RBFOX3: variants seen among roughly 807,000 people sequenced by gnomAD.
RBFOX3 encodes the protein RNA binding protein fox-1 homolog 3.
RBFOX3 carries 17 observed loss-of-function variants against 48.7 expected under a neutral mutation model. The ratio of observed to expected loss-of-function variants is 0.35; its 90% CI spans 0.24 to 0.52. The LOEUF is 0.52. RBFOX3 is among the 20% of genes least tolerant of loss of function. RBFOX3 has a pLI of 0.94. For missense variants in RBFOX3, 382 were observed against 497.5 expected, an observed-to-expected ratio of 0.77 and a Z score of 2.21; for synonymous variants, 212 against 209.5, an observed-to-expected ratio of 1.01 and a Z score of -0.10.
At chr17:79,356,362 T>TGTTTTGTTTTG (rs1169504564) in intron 2 of RBFOX3, among the ~76,000 whole-genome samples, 1 of 76,640 alleles carries the variant, frequency 1.3e-5, no homozygotes, top group African/African-American at 5.0e-5. Flanking sequence ...TTTTTTTTTT[T>TGTTTTGTTTTG]TTTTTTTTTT....
chr17:79,149,353 C>T (rs991952763), intron 4 of RBFOX3, among the ~76,000 whole-genome samples: 20 of 151,884 alleles, frequency 1.3e-4, no homozygotes, highest in African/African-American at 3.9e-4. Flanking sequence ...AGTGGGGGCA[C>T]GGGGGAGGAC....
chr17:79,107,907 G>A (rs890277882), intron 5 of RBFOX3, among the ~76,000 whole-genome samples: 4 of 152,234 alleles, frequency 2.6e-5, no homozygotes, highest in Admixed American at 2.6e-4. Context: ...TCCAGCTCCC[G>A]CGGGGTGCCC....
rs1286036660 is a variant in RBFOX3 at position 79,499,667 on chromosome 17, C to T, written c.-319-17069G>A. Among the ~76,000 whole-genome samples the T allele has an allele frequency of 2.6e-5, 4 of 152,246 alleles. No homozygotes were observed. In the South Asian group the frequency reaches 8.3e-4, roughly 31 times the overall value. ...TCTTCGGGCAAGTTACTTAACCTTT[C>T]TCAACTTCAGTTTAATCACCTATAA... is the stretch of plus-strand genomic sequence containing the variant. On this transcript the variant is annotated intron_variant, in intron 1 of 14. Coordinates refer to ENST00000693108, the MANE Select transcript of RBFOX3 (RefSeq NM_001350451.2).
chr17:79,455,209 C>T (rs1555744056), intron 2 of RBFOX3, among the ~76,000 whole-genome samples: 1 of 152,206 alleles, frequency 6.6e-6, no homozygotes, highest in Admixed American at 6.5e-5. Context: ...GCTGGATGTG[C>T]TACTCCCAGG....
At chr17:79,170,049 G>T (rs1451293549) in intron 4 of RBFOX3, among the ~76,000 whole-genome samples, 1 of 140,590 alleles carries the variant, frequency 7.1e-6, no homozygotes, top group East Asian at 2.0e-4. Context: ...AAGGAGAAGA[G>T]GGAAGGGAAG....
At chr17:79,597,304 C>T (rs927092735) in intron 1 of RBFOX3, among the ~76,000 whole-genome samples, 12 of 152,192 alleles carry the variant, frequency 7.9e-5, no homozygotes, top group African/African-American at 2.7e-4. Flanking sequence ...CCAGGGACTC[C>T]GGTTTGCATT....
rs879996068 is a variant in RBFOX3, at chr17:79,463,414, T to C, written c.-175+19040A>G. The stretch of plus-strand genomic sequence containing the variant: ...CCACCATCGCCACCGCCACTTCCAC[T>C]GCCATTGCCACTGCCACCGCCATCG... On this transcript the variant is annotated intron_variant, in intron 2 of 14. Transcript: ENST00000693108. Among the ~76,000 whole-genome samples, 4 of 102,156 alleles carry C rather than the reference T, an allele frequency of 3.9e-5. 1 individual carries two copies. The highest frequency in any genetic ancestry group is 2.0e-4 in the Admixed American group (2 of 9,760). The allele number at this position is 102,156 out of a possible 152,430, so 67.0% of individuals were successfully genotyped here.
chr17:79,414,212 A>G (rs1266506933), intron 2 of RBFOX3, among the ~76,000 whole-genome samples: 3 of 152,054 alleles, frequency 2.0e-5, no homozygotes, highest in African/African-American at 7.2e-5. Context: ...TTTCTAATAC[A>G]ATGCAAATCA....
At chr17:79,440,295 T>C (rs1233626042) in intron 2 of RBFOX3, among the ~76,000 whole-genome samples, 2 of 152,238 alleles carry the variant, frequency 1.3e-5, no homozygotes, top group African/African-American at 2.4e-5. Context: ...GCATTTCCCA[T>C]GTCCCAGGGC....
chr17:79,142,108 A>G (rs974633734), intron 4 of RBFOX3, among the ~76,000 whole-genome samples: 5 of 152,226 alleles, frequency 3.3e-5, no homozygotes, highest in Non-Finnish European at 7.3e-5. Flanking sequence ...GGGAAATTAA[A>G]TATCGCAGCT....
chr17:79,113,228 G>A (rs1306994276), intron 5 of RBFOX3, among the ~76,000 whole-genome samples: 3 of 152,082 alleles, frequency 2.0e-5, no homozygotes, highest in Admixed American at 1.3e-4. Flanking sequence ...GCAGCCTCTG[G>A]GAGGAAGGAG....
At position 79,097,371 on chromosome 17, in the gene RBFOX3, G is replaced by T. The variant is rs2146312862; in HGVS notation, c.676C>A (p.His226Asn). The stretch of plus-strand genomic sequence containing the variant: ...ACGGCCCGGCCCCGGCCCCGAAGAT[G>T]TGCGCCCCGGTAGGCAACGGCTGTG... ...TGTAVAYRGAHLRGRGRAVYN... is the reference protein window; with the variant it reads ...TGTAVAYRGANLRGRGRAVYN... Residue 226 changes from histidine to asparagine, a missense_variant, in exon 11 of 15, where the codon CAT (histidine) becomes AAT (asparagine). His to Asn is a moderately conservative substitution (Grantham distance 68). This residue lies in a region of RBFOX3 where 215 missense variants were observed against 254.8 expected (regional missense o/e 0.84). Transcript: ENST00000693108. 3.2e-6 allele frequency: 5 copies of T among 1,548,490 alleles called. No homozygotes were observed. The highest frequency in any genetic ancestry group is 4.4e-6 in the Non-Finnish European group (5 of 1,146,196).
At chr17:79,326,498 C>T (rs956202340) in intron 2 of RBFOX3, among the ~76,000 whole-genome samples, 10 of 152,078 alleles carry the variant, frequency 6.6e-5, no homozygotes, top group Non-Finnish European at 4.4e-5. Context: ...CACTGGATGC[C>T]GTCTATATAT....
chr17:79,313,167 A>G (rs2077078675), intron 2 of RBFOX3, among the ~76,000 whole-genome samples: 1 of 152,168 alleles, frequency 6.6e-6, no homozygotes, highest in African/African-American at 2.4e-5. Flanking sequence ...GAACTCTTTA[A>G]TAGCTGCCCC....
chr17:79,331,598 G>T (rs1488995614), intron 2 of RBFOX3, among the ~76,000 whole-genome samples: 2 of 152,218 alleles, frequency 1.3e-5, no homozygotes, highest in Non-Finnish European at 2.9e-5. Context: ...GCAGATTCTA[G>T]ATCTCCTAAG....
Position 79,112,907 on chromosome 17 carries a change from G to A in RBFOX3, c.222+2587C>T, listed in dbSNP as rs867526309. ...GCCAACCTGGGCAGCAGGCTCTCGGGGGGGGGGTGGGCTGGGTAGGACTTC... is the reference window on the plus strand; with the variant it reads ...GCCAACCTGGGCAGCAGGCTCTCGGAGGGGGGGTGGGCTGGGTAGGACTTC... On this transcript the variant is annotated intron_variant, in intron 5 of 14. Coordinates refer to ENST00000693108, the MANE Select transcript of RBFOX3 (RefSeq NM_001350451.2). 4.2e-5 allele frequency among the ~76,000 whole-genome samples: 3 copies of A among 71,392 alleles called. 1 individual carries two copies. Among genetic ancestry groups the A allele is most frequent in the Admixed American group, 1.4e-4 (1 of 7,310 alleles). 46.8% of individuals were successfully genotyped at this position (71,392 alleles called of 152,430 possible). A position where few individuals can be genotyped will look rare whatever the true frequency, so the allele number is the denominator to read the frequency against.
At chr17:79,279,166 G>C (rs557170598) in intron 3 of RBFOX3, among the ~76,000 whole-genome samples, 13 of 152,298 alleles carry the variant, frequency 8.5e-5, no homozygotes, top group Admixed American at 2.6e-4. Flanking sequence ...ACAGGGTAAG[G>C]TGGGCACGGG....
chr17:79,508,826 A>C (rs2149817612), intron 1 of RBFOX3: 1 of 152,696 alleles, frequency 6.5e-6, no homozygotes, highest in South Asian at 2.1e-4. Flanking sequence ...GGCGGGCGGC[A>C]GGCGTCCATG....
chr17:79,120,310 A>T (rs1253805005), intron 4 of RBFOX3, among the ~76,000 whole-genome samples: 3 of 151,882 alleles, frequency 2.0e-5, no homozygotes, highest in Non-Finnish European at 4.4e-5. Context: ...GTATGTACGT[A>T]TGTATGCATG....
Sources: gnomAD v4.1 joint callset for allele counts (sites outside exome capture counted in the v4.1 genomes callset) on GRCh38, gnomAD v4.1.1 for gene constraint, gnomAD v4.1.1 regional missense constraint, MANE v1.5 for transcripts, NCBI Gene and HGNC (gene_info 2026-07-23, HGNC 2026-07-21) for gene names.